SPINK8: variants seen among roughly 807,000 people sequenced by gnomAD.
SPINK8 encodes the protein serine protease inhibitor Kazal-type 8.
Under a neutral mutation model 14.4 loss-of-function variants are expected in SPINK8, and 12 were observed. The observed-to-expected ratio is 0.83, with a 90% confidence interval of 0.53 to 1.35. The LOEUF is 1.35. Among genes scored for constraint, SPINK8 ranks in the 40% most tolerant of loss-of-function variants. SPINK8 has a pLI of 0.00. For synonymous variants in SPINK8, 32 were observed against 37.6 expected (o/e 0.85, Z 0.55); for missense variants, 103 against 117.0 (o/e 0.88, Z 0.55).
intron 6 of SPINK8, among the ~76,000 whole-genome samples, chr3:48,316,973 G>A (rs1429306450): frequency 1.3e-5 from 2 of 152,136 alleles, no homozygotes; most frequent in Admixed American, 6.5e-5. Flanking sequence ...ATCATAAGCA[G>A]AAACTTGAAT....
chr3:48,330,529 T>C (rs767550396), intron 2 of SPINK8, among the ~76,000 whole-genome samples: 14 of 152,062 alleles, frequency 9.2e-5, no homozygotes, highest in Admixed American at 2.6e-4. Flanking sequence ...TGTTTTTCAG[T>C]TGCAAGATTT....
intron 6 of SPINK8, among the ~76,000 whole-genome samples, chr3:48,315,608 C>G (rs1462761606): frequency 6.7e-6 from 1 of 150,194 alleles, no homozygotes; most frequent in Admixed American, 6.7e-5. Context: ...GTAATCCCAG[C>G]TACTTGGGAG....
intron 4 of SPINK8, among the ~76,000 whole-genome samples, chr3:48,324,491 T>C (rs1266802945): frequency 6.6e-6 from 1 of 152,154 alleles, no homozygotes; most frequent in Non-Finnish European, 1.5e-5. Context: ...CTAATTACCC[T>C]GGCTTGAACC....
At chr3:48,315,333 G>A (rs541996077) in intron 6 of SPINK8, among the ~76,000 whole-genome samples, 4 of 152,206 alleles carry the variant, frequency 2.6e-5, no homozygotes, top group East Asian at 1.9e-4. Flanking sequence ...AGTATGGCTC[G>A]CATATAGGAT....
chr3:48,308,792 T>C (rs190077756), intron 7 of SPINK8, among the ~76,000 whole-genome samples: 18 of 152,358 alleles, frequency 1.2e-4, no homozygotes, highest in African/African-American at 4.3e-4. Context: ...TATCCTTAAA[T>C]TTAAAACCAC....
At chr3:48,324,677 T>C (rs1480521391) in intron 4 of SPINK8, among the ~76,000 whole-genome samples, 2 of 152,230 alleles carry the variant, frequency 1.3e-5, no homozygotes, top group African/African-American at 4.8e-5. Flanking sequence ...TTTCAATCCT[T>C]TTAGATTTAT....
chr3:48,326,392 G>A (rs2036141809), intron 4 of SPINK8, among the ~76,000 whole-genome samples: 1 of 152,202 alleles, frequency 6.6e-6, no homozygotes, highest in Non-Finnish European at 1.5e-5. Context: ...CAGGTCACCT[G>A]AGGTCAGGAG....
chr3:48,317,096 A>T (rs2036003218), intron 6 of SPINK8, among the ~76,000 whole-genome samples: 1 of 152,252 alleles, frequency 6.6e-6, no homozygotes, highest in African/African-American at 2.4e-5. Context: ...TGCATAAAAC[A>T]ATTATAAATC....
intron 4 of SPINK8, among the ~76,000 whole-genome samples, 189 bp downstream of exon 4, chr3:48,328,086 G>A (rs980108285): frequency 4.6e-5 from 7 of 152,196 alleles, no homozygotes; most frequent in Non-Finnish European, 8.8e-5. Flanking sequence ...GGATGGTTTG[G>A]ATTCAAATCC....
At chr3:48,311,945 AG>A (rs1355248801) in intron 6 of SPINK8, among the ~76,000 whole-genome samples, 2 of 152,204 alleles carry the variant, frequency 1.3e-5, no homozygotes, top group African/African-American at 4.8e-5. Context: ...ATCTTGAAAA[AG>A]AAACAAAATT....
At chr3:48,321,332 T>G (rs1370575252) in intron 4 of SPINK8, among the ~76,000 whole-genome samples, 1 of 151,890 alleles carries the variant, frequency 6.6e-6, no homozygotes, top group Non-Finnish European at 1.5e-5. Flanking sequence ...TCCTTGTCAG[T>G]TTTTTTTAGT....
chr3:48,319,528 T>C lies in SPINK8; in HGVS notation c.208A>G (p.Ser70Gly). 6.2e-7 allele frequency: 1 copy of C among 1,614,020 alleles called. No homozygotes were observed. The highest frequency in any genetic ancestry group is 1.1e-5 in the South Asian group (1 of 91,076). The change falls in exon 6 of 8, where the codon AGT (serine) becomes GGT (glycine). Residue 70 changes from serine to glycine, a missense_variant. By Grantham distance (56) the Ser-to-Gly change is moderately conservative. Transcript: ENST00000434006. The stretch of plus-strand genomic sequence containing the variant: ...TTGGAGCACAGATGGCAGTCACTAC[T>C]GTAGGTAACCTGGTCACTGCCACAA... The part of the protein sequence containing the change: ...PICGSDQVTY[S>G]SDCHLCSKIL...
At chr3:48,309,212 C>G (rs1023736602) in intron 7 of SPINK8, among the ~76,000 whole-genome samples, 1 of 152,182 alleles carries the variant, frequency 6.6e-6, no homozygotes, top group Non-Finnish European at 1.5e-5. Context: ...TTTATTTTCT[C>G]TTCTACATTG....
intron 4 of SPINK8, among the ~76,000 whole-genome samples, chr3:48,322,070 C>T (rs1386208683): frequency 6.6e-6 from 1 of 152,094 alleles, no homozygotes; most frequent in Non-Finnish European, 1.5e-5. Context: ...CCCACTCAGC[C>T]TCCTAAAGTG....
intron 2 of SPINK8, among the ~76,000 whole-genome samples, chr3:48,329,559 A>G (rs746320329): frequency 7.9e-5 from 12 of 152,262 alleles, no homozygotes; most frequent in Non-Finnish European, 1.8e-4. Context: ...ACAATATTAT[A>G]AAGTACCACA....
chr3:48,311,935 A>C (rs993119868), intron 6 of SPINK8, among the ~76,000 whole-genome samples: 1 of 152,210 alleles, frequency 6.6e-6, no homozygotes, highest in Non-Finnish European at 1.5e-5. Flanking sequence ...TGCCAAAATC[A>C]TCTTGAAAAA....
At position 48,306,988 on chromosome 3, in the gene SPINK8, A is replaced by G; in HGVS notation, c.*4T>C. On this transcript the variant is annotated 3_prime_UTR_variant, in exon 8 of 8. Coordinates refer to ENST00000434006, the MANE Select transcript of SPINK8 (RefSeq NM_001080525.3). The stretch of plus-strand genomic sequence containing the variant: ...AGTAGGTTTTATAATTCTTTGTCGT[A>G]CGTTCAAGAGTTTTCCTGCAAGAGA... 6.2e-7 allele frequency: 1 copy of G among 1,613,192 alleles called. No individual in the cohort carries two copies.
chr3:48,309,026 T>C (rs752125265), intron 7 of SPINK8, among the ~76,000 whole-genome samples: 1 of 152,204 alleles, frequency 6.6e-6, no homozygotes, highest in African/African-American at 2.4e-5. Context: ...TTCTCTTTAG[T>C]GGAACTAGAG....
chr3:48,332,547 T>G (rs1276180882), intron 1 of SPINK8, among the ~76,000 whole-genome samples, 76 bp from the exon 2 acceptor site: 1 of 152,178 alleles, frequency 6.6e-6, no homozygotes, highest in Non-Finnish European at 1.5e-5. Flanking sequence ...GCATGCAAGT[T>G]AGCAAATGTC....
Sources: gnomAD v4.1 joint callset for allele counts (sites outside exome capture counted in the v4.1 genomes callset) on GRCh38, gnomAD v4.1.1 for gene constraint, MANE v1.5 for transcripts, NCBI Gene and HGNC (gene_info 2026-07-23, HGNC 2026-07-21) for gene names.